Variants in SSBP2 observed in about 807,000 individuals in gnomAD.
The protein encoded by SSBP2 is single-stranded DNA-binding protein 2.
In SSBP2, 17 loss-of-function variants were observed where a neutral mutation model predicts 61.8. The ratio of observed to expected loss-of-function variants is 0.28; its 90% CI spans 0.19 to 0.41. The LOEUF (loss-of-function observed/expected upper bound fraction) is 0.41. Ranked by LOEUF, SSBP2 falls within the 10% of genes least tolerant of loss-of-function variation. The probability of loss-of-function intolerance (pLI) is 1.00; values close to 1 mark genes in which losing one functional copy is unlikely to be tolerated. For missense variants in SSBP2, 310 were observed against 458.7 expected (o/e 0.68, Z 2.96); for synonymous variants, 139 against 141.3 (o/e 0.98, Z 0.12).
intron 16 of SSBP2, among the ~76,000 whole-genome samples, chr5:81,421,223 A>T (rs2153883957): frequency 6.6e-6 from 1 of 152,122 alleles, no homozygotes; most frequent in East Asian, 1.9e-4. Context: ...ACAGGGTCTC[A>T]CTCTGTCACT....
At chr5:81,670,861 G>GT (rs1426006869) in intron 1 of SSBP2, among the ~76,000 whole-genome samples, 4 of 152,110 alleles carry the variant, frequency 2.6e-5, no homozygotes, top group African/African-American at 4.8e-5. Context: ...TCGTCTAGCT[G>GT]TGACACATTC....
intron 4 of SSBP2, among the ~76,000 whole-genome samples, chr5:81,587,328 GTTCT>G (rs1205265437): frequency 6.6e-6 from 1 of 152,062 alleles, no homozygotes; most frequent in Non-Finnish European, 1.5e-5. Flanking sequence ...GTTGTTTGAG[GTTCT>G]TTGTGTGCAA....
chr5:81,556,023 G>A (rs113241838), intron 4 of SSBP2, among the ~76,000 whole-genome samples: 7 of 152,196 alleles, frequency 4.6e-5, no homozygotes, highest in African/African-American at 1.7e-4. Context: ...AGCCACAGAC[G>A]TACGTCAAGA....
intron 3 of SSBP2, among the ~76,000 whole-genome samples, chr5:81,629,072 C>T (rs562438817): frequency 1.3e-5 from 2 of 152,056 alleles, no homozygotes; most frequent in Non-Finnish European, 2.9e-5. Context: ...CTGCAGCCTC[C>T]ACCTCCCAGG....
At chr5:81,666,523 G>C (rs1751152174) in intron 1 of SSBP2, among the ~76,000 whole-genome samples, 1 of 152,090 alleles carries the variant, frequency 6.6e-6, no homozygotes, top group Non-Finnish European at 1.5e-5. Context: ...ATATAGAAAG[G>C]CAATTTCAAA....
chr5:81,570,045 TA>T (rs1275576939), intron 4 of SSBP2, among the ~76,000 whole-genome samples: 2 of 152,204 alleles, frequency 1.3e-5, no homozygotes, highest in Non-Finnish European at 2.9e-5. Context: ...GAATGGATAA[TA>T]AATTAACAGT....
At chr5:81,713,134 G>A (rs889351772) in intron 1 of SSBP2, among the ~76,000 whole-genome samples, 7 of 151,988 alleles carry the variant, frequency 4.6e-5, no homozygotes, top group Admixed American at 3.9e-4. Flanking sequence ...TAAGGAATCT[G>A]AATACTAAAC....
At chr5:81,687,402 T>A (rs1265432112) in intron 1 of SSBP2, among the ~76,000 whole-genome samples, 1 of 152,132 alleles carries the variant, frequency 6.6e-6, no homozygotes, top group African/African-American at 2.4e-5. Context: ...TAAATAAACA[T>A]GAAATACAAT....
intron 1 of SSBP2, among the ~76,000 whole-genome samples, chr5:81,740,210 G>A (rs1756921234): frequency 6.6e-6 from 1 of 151,586 alleles, no homozygotes. Context: ...ATATGTATGT[G>A]TAATATATCT....
chr5:81,595,362 C>A (rs974365759), intron 4 of SSBP2, among the ~76,000 whole-genome samples: 7 of 152,002 alleles, frequency 4.6e-5, no homozygotes, highest in Admixed American at 4.6e-4. Flanking sequence ...GCTTACTAAC[C>A]AAAAAAACTC....
At chr5:81,694,281 A>G (rs1753438359) in intron 1 of SSBP2, among the ~76,000 whole-genome samples, 1 of 152,362 alleles carries the variant, frequency 6.6e-6, no homozygotes, top group African/African-American at 2.4e-5. Flanking sequence ...CCTGCAGTCA[A>G]CAACAATTTA....
At chr5:81,477,927 A>C (rs1415444338) in intron 6 of SSBP2, among the ~76,000 whole-genome samples, 4 of 152,180 alleles carry the variant, frequency 2.6e-5, no homozygotes, top group African/African-American at 9.7e-5. Context: ...TAAAAGATTT[A>C]ATTCTTTAAA....
chr5:81,568,250 T>C (rs532773583), intron 4 of SSBP2, among the ~76,000 whole-genome samples: 16 of 152,272 alleles, frequency 1.1e-4, no homozygotes, highest in South Asian at 4.2e-4. Context: ...AATTGAATCA[T>C]AGGGGCAGCT....
intron 1 of SSBP2, among the ~76,000 whole-genome samples, chr5:81,741,800 AGAGTT>A (rs1256870920): frequency 6.6e-6 from 1 of 152,250 alleles, no homozygotes; most frequent in Non-Finnish European, 1.5e-5. Context: ...TGGCACTTTT[AGAGTT>A]AAGTAATTTT....
chr5:81,629,026 A>G (rs1747448443), intron 3 of SSBP2, among the ~76,000 whole-genome samples: 1 of 151,580 alleles, frequency 6.6e-6, no homozygotes, highest in African/African-American at 2.4e-5. Context: ...TTGCTCTGTC[A>G]CCCAGGCTGG....
intron 10 of SSBP2, among the ~76,000 whole-genome samples, chr5:81,456,850 T>C (rs974534482): frequency 1.5e-4 from 23 of 152,150 alleles, no homozygotes; most frequent in African/African-American, 3.6e-4. Flanking sequence ...TAAATACATA[T>C]ATTATGGATA....
At chr5:81,622,223 A>G (rs1206058495) in intron 3 of SSBP2, among the ~76,000 whole-genome samples, 1 of 152,072 alleles carries the variant, frequency 6.6e-6, no homozygotes, top group Admixed American at 6.6e-5. Context: ...TATGCTCCTT[A>G]CAAAACATAC....
At chr5:81,650,628 C>T (rs1749645368) in intron 1 of SSBP2, among the ~76,000 whole-genome samples, 1 of 151,968 alleles carries the variant, frequency 6.6e-6, no homozygotes, top group South Asian at 2.1e-4. Context: ...ATTCCCATTG[C>T]TATATCTATT....
At chr5:81,500,370 C>T (rs746370187) in intron 5 of SSBP2, among the ~76,000 whole-genome samples, 8 of 151,674 alleles carry the variant, frequency 5.3e-5, no homozygotes, top group Non-Finnish European at 8.8e-5. Context: ...CCCACCATCA[C>T]GCCCAGCTAA....
Sources: gnomAD v4.1 joint callset for allele counts (sites outside exome capture counted in the v4.1 genomes callset) on GRCh38, gnomAD v4.1.1 for gene constraint, MANE v1.5 for transcripts, NCBI Gene and HGNC (gene_info 2026-07-23, HGNC 2026-07-21) for gene names.